The following NBEAL1 variants were observed in gnomAD, a reference collection of about 807,000 sequenced individuals.
NBEAL1 encodes neurobeachin-like protein 1.
NBEAL1 carries 273 observed loss-of-function variants against 351.3 expected under a neutral mutation model. The observed-to-expected ratio is 0.78, with a 90% CI of 0.70 to 0.86. The LOEUF (loss-of-function observed/expected upper bound fraction) is 0.86. Among genes scored for constraint, NBEAL1 ranks in the 40% least tolerant of loss-of-function variants. The pLI, the probability that NBEAL1 is intolerant of heterozygous loss-of-function variation, is 0.00. For missense variants in NBEAL1, 2,961 were observed against 3,201.3 expected, an observed-to-expected ratio of 0.92 and a Z score of 1.81; for synonymous variants, 1,050 against 1,086.4, an observed-to-expected ratio of 0.97 and a Z score of 0.66.
intron 2 of NBEAL1, among the ~76,000 whole-genome samples, chr2:203,035,970 ACAT>A (rs1409415836): frequency 6.7e-6 from 1 of 149,338 alleles, no homozygotes; most frequent in Non-Finnish European, 1.5e-5. Flanking sequence ...GTCCTGTGAG[ACAT>A]CATTATGTTC....
chr2:203,125,937 T>C, intron 20 of NBEAL1, 23 bp from the exon 21 acceptor site: 1 of 1,481,512 alleles, frequency 6.7e-7, no homozygotes, highest in Non-Finnish European at 9.0e-7. Context: ...ATTATGATAA[T>C]TAATATGTTC....
chr2:203,032,660 C>CTT (rs747309074), intron 2 of NBEAL1, among the ~76,000 whole-genome samples: 3,062 of 70,146 alleles, frequency 0.044, 316 homozygotes, highest in Non-Finnish European at 0.055. Flanking sequence ...GAAATTGTAG[C>CTT]TTTTTTTTTT....
chr2:203,139,069 G>A (rs889536667), intron 31 of NBEAL1, among the ~76,000 whole-genome samples: 1 of 151,918 alleles, frequency 6.6e-6, no homozygotes, highest in African/African-American at 2.4e-5. Context: ...TTATATATGT[G>A]CAGTTTAGGG....
intron 35 of NBEAL1, among the ~76,000 whole-genome samples, chr2:203,152,962 C>T (rs532030146): frequency 1.5e-3 from 225 of 152,040 alleles, no homozygotes; most frequent in African/African-American, 5.3e-3. Flanking sequence ...CACTTGAACC[C>T]GAGAGGCAGA....
chr2:203,160,765 T>C (rs2106378694), intron 36 of NBEAL1, among the ~76,000 whole-genome samples: 1 of 152,356 alleles, frequency 6.6e-6, no homozygotes, highest in South Asian at 2.1e-4. Context: ...TTTAACCGGC[T>C]GTGTGTTGCC....
chr2:203,057,071 A>G (rs1466200661), intron 5 of NBEAL1, among the ~76,000 whole-genome samples: 3 of 152,174 alleles, frequency 2.0e-5, no homozygotes, highest in African/African-American at 7.2e-5. Flanking sequence ...AAATGATACA[A>G]TTTGTGATTT....
chr2:203,155,169 G>A lies in NBEAL1; in HGVS notation c.5588-2530G>A, dbSNP rs1217439609. Reference sequence around the variant, plus strand: ...AGGCTGAGGTGAGAGGATTGCTTGAGCCCAGGAGATTGAGGCTGTAGTGAG... The same window carrying A: ...AGGCTGAGGTGAGAGGATTGCTTGAACCCAGGAGATTGAGGCTGTAGTGAG... On this transcript the variant is annotated intron_variant, in intron 35 of 55. Transcript: ENST00000683969. 2.0e-5 allele frequency among the ~76,000 whole-genome samples: 3 copies of A among 149,366 alleles called. No individual in the cohort carries two copies. In the East Asian group the frequency reaches 6.0e-4, roughly 30 times the overall value.
At chr2:203,032,292 G>A (rs927199484) in intron 2 of NBEAL1, among the ~76,000 whole-genome samples, 3 of 152,172 alleles carry the variant, frequency 2.0e-5, no homozygotes, top group African/African-American at 7.2e-5. Flanking sequence ...ATAAATGTTT[G>A]TTGGTTTAAG....
Position 203,199,277 on chromosome 2 carries a change from TA to T in NBEAL1, c.7129-60del, listed in dbSNP as rs1222487238. ...TGCCAATGTCATGTGAGCATCTGGT[TA>T]TTCTGGGCTGCTTTCCTTAATATTT... is the stretch of plus-strand genomic sequence containing the variant. On this transcript the variant is annotated intron_variant, in intron 48 of 55. Transcript: ENST00000683969. The T allele has an allele frequency of 3.8e-5, 35 of 910,928 alleles. No homozygotes were observed. In the African/African-American group the frequency reaches 5.3e-4, roughly 14 times the overall value. 56.4% of individuals were successfully genotyped at this position (910,928 alleles called of 1,614,324 possible). A position where few individuals can be genotyped will look rare whatever the true frequency, so the allele number is the denominator to read the frequency against.
At chr2:203,034,221 G>C (rs1186531718) in intron 2 of NBEAL1, among the ~76,000 whole-genome samples, 1 of 149,354 alleles carries the variant, frequency 6.7e-6, no homozygotes, top group Non-Finnish European at 1.5e-5. Context: ...GCAGTAGAGC[G>C]ATCTTGGCTC....
chr2:203,218,038 A>C lies in NBEAL1; in HGVS notation c.*684A>C, dbSNP rs1251525960. The C allele has an allele frequency of 1.4e-6, 1 of 698,000 alleles. No homozygotes were observed. Among genetic ancestry groups the C allele is most frequent in the East Asian group, 1.3e-4 (1 of 7,544 alleles). The allele number at this position is 698,000 out of a possible 1,614,324, so 43.2% of individuals were successfully genotyped here. ...TATTTCCTTAATAATATAATTAAGC[A>C]AAAGTGCTAATTGTGATTTTGACAG... is the stretch of plus-strand genomic sequence containing the variant. On this transcript the variant is annotated 3_prime_UTR_variant, in exon 56 of 56. Coordinates refer to ENST00000683969, the MANE Select transcript of NBEAL1 (RefSeq NM_001378026.1).
chr2:203,195,358 C>T (rs2065210463), intron 47 of NBEAL1, among the ~76,000 whole-genome samples: 1 of 152,130 alleles, frequency 6.6e-6, no homozygotes, highest in Non-Finnish European at 1.5e-5. Flanking sequence ...TAATCTGTCA[C>T]TCTTTTCCTA....
chr2:203,204,709 T>C (rs894255037), intron 51 of NBEAL1, among the ~76,000 whole-genome samples: 7 of 152,168 alleles, frequency 4.6e-5, no homozygotes, highest in African/African-American at 1.7e-4. Flanking sequence ...CTTTTTCATT[T>C]AGATCTGATA....
At chr2:203,021,214 T>G (rs930237554) in intron 2 of NBEAL1, among the ~76,000 whole-genome samples, 3 of 151,832 alleles carry the variant, frequency 2.0e-5, no homozygotes, top group Non-Finnish European at 4.4e-5. Flanking sequence ...ACTCCTGACC[T>G]CAGGCGATCC....
rs1266011397 is a variant in NBEAL1 at position 203,217,380 on chromosome 2, T to C, written c.*26T>C. Reference sequence around the variant, plus strand: ...TTGTTATTTCCATTTTCTGTTATGATTACTGAAACCTGATTTATTGCTTTG... The same window carrying C: ...TTGTTATTTCCATTTTCTGTTATGACTACTGAAACCTGATTTATTGCTTTG... On this transcript the variant is annotated 3_prime_UTR_variant, in exon 56 of 56. Transcript: ENST00000683969. The C allele has an allele frequency of 1.2e-5, 19 of 1,558,456 alleles. 1 individual carries two copies. The Admixed American group carries it at 3.8e-4, about 31-fold the overall frequency.
intron 47 of NBEAL1, among the ~76,000 whole-genome samples, chr2:203,194,526 G>A (rs1245460718): frequency 6.6e-6 from 1 of 152,160 alleles, no homozygotes; most frequent in Non-Finnish European, 1.5e-5. Context: ...AACAGTCTCT[G>A]CAATACAGCA....
intron 6 of NBEAL1, among the ~76,000 whole-genome samples, chr2:203,065,618 G>A (rs934533394): frequency 6.6e-6 from 1 of 152,114 alleles, no homozygotes; most frequent in Non-Finnish European, 1.5e-5. Flanking sequence ...CAGGTGTGGT[G>A]GCGGGCGCCT....
rs898817944 is a variant in NBEAL1, at chr2:203,045,401, GA to G, written c.143+3553del. ...TTACCTCTTTTTAGCCCTTTAGCAGGAAAAAAAATATGTATATATGTATGTT... is the reference window on the plus strand; with the variant it reads ...TTACCTCTTTTTAGCCCTTTAGCAGGAAAAAAATATGTATATATGTATGTT... On this transcript the variant is annotated intron_variant, in intron 3 of 55. Coordinates refer to ENST00000683969, the MANE Select transcript of NBEAL1 (RefSeq NM_001378026.1). Among the ~76,000 whole-genome samples the G allele has an allele frequency of 1.7e-3, 256 of 151,696 alleles. 2 individuals are homozygous for G. Among genetic ancestry groups the G allele is most frequent in the African/African-American group, 2.9e-3 (120 of 41,394 alleles).
At chr2:203,053,408 T>A (rs551004331) in intron 4 of NBEAL1, among the ~76,000 whole-genome samples, 2 of 152,366 alleles carry the variant, frequency 1.3e-5, no homozygotes, top group East Asian at 3.9e-4. Context: ...TGCTCATTTT[T>A]AAAAATTGAA....
Sources: gnomAD v4.1 joint callset for allele counts (sites outside exome capture counted in the v4.1 genomes callset) on GRCh38, gnomAD v4.1.1 for gene constraint, MANE v1.5 for transcripts, NCBI Gene and HGNC (gene_info 2026-07-23, HGNC 2026-07-21) for gene names.